The following ARHGEF38 variants were observed in gnomAD, a reference collection of about 807,000 sequenced individuals.
ARHGEF38 encodes Rho guanine nucleotide exchange factor 38, also known as Rho guanine nucleotide exchange factor (GEF) 38.
In ARHGEF38, 79 loss-of-function variants were observed where a neutral mutation model predicts 79.9. That is an observed-to-expected ratio of 0.99 (90% CI 0.82 to 1.19). The LOEUF is 1.19. ARHGEF38 is among the 50% of genes most tolerant of loss of function. The pLI is 0.00. For missense variants in ARHGEF38, 962 were observed against 907.2 expected (o/e 1.06, Z -0.78); for synonymous variants, 366 against 328.3 (o/e 1.11, Z -1.24).
At position 105,680,168 on chromosome 4, in the gene ARHGEF38, C is replaced by A. The variant is rs1189766166; in HGVS notation, c.*2231C>A. On this transcript the variant is annotated 3_prime_UTR_variant, in exon 14 of 14. Transcript: ENST00000420470. The stretch of plus-strand genomic sequence containing the variant: ...GAGGGACTGGAATTTAAAACCAGGT[C>A]TTCTGACTTTAAGGCCTTTCTTTTA... The A allele has an allele frequency of 6.7e-6, 4 of 592,858 alleles. No homozygotes were observed. The highest frequency in any genetic ancestry group is 1.7e-5 in the South Asian group (1 of 58,488). 36.7% of individuals were successfully genotyped at this position (592,858 alleles called of 1,614,324 possible).
intron 1 of ARHGEF38, among the ~76,000 whole-genome samples, chr4:105,574,810 G>T (rs185284223): frequency 2.3e-4 from 35 of 150,702 alleles, no homozygotes; most frequent in Admixed American, 1.8e-3. Context: ...TGACATTTTA[G>T]TGCACCTATC....
chr4:105,603,049 A>G (rs1371764265), intron 2 of ARHGEF38, among the ~76,000 whole-genome samples: 1 of 152,126 alleles, frequency 6.6e-6, no homozygotes, highest in Non-Finnish European at 1.5e-5. Flanking sequence ...ATCATTTTAC[A>G]GATCAATGAA....
intron 2 of ARHGEF38, among the ~76,000 whole-genome samples, chr4:105,606,064 T>C (rs560507861): frequency 6.6e-6 from 1 of 152,250 alleles, no homozygotes; most frequent in Admixed American, 6.5e-5. Flanking sequence ...CAAAATGTTG[T>C]GTGTGGAACT....
At chr4:105,637,934 G>T (rs1180591391) in intron 5 of ARHGEF38, among the ~76,000 whole-genome samples, 1 of 152,022 alleles carries the variant, frequency 6.6e-6, no homozygotes, top group Non-Finnish European at 1.5e-5. Flanking sequence ...TATACATCAA[G>T]AACTAAAAAA....
intron 1 of ARHGEF38, chr4:105,561,459 A>AGAATAGAATAGAATG (rs1725575512): frequency 7.9e-5 from 3 of 38,070 alleles, no homozygotes; most frequent in Non-Finnish European, 1.6e-4. Context: ...GGAATAGAAT[A>AGAATAGAATAGAATG]GAATAGAATA....
intron 1 of ARHGEF38, among the ~76,000 whole-genome samples, chr4:105,554,584 G>A (rs1005598775): frequency 1.3e-5 from 2 of 152,088 alleles, no homozygotes; most frequent in African/African-American, 4.8e-5. Flanking sequence ...TATGTACCAT[G>A]AGAATTTAAA....
In ARHGEF38 at chr4:105,677,754, T is replaced by G. The variant is rs1464369237; in HGVS notation, c.2151T>G (p.Ile717Met). Residue 717 changes from isoleucine (I) to methionine (M), a missense_variant and splice_region_variant, in exon 14 of 14, where the codon ATT becomes ATG. Coordinates refer to ENST00000420470, the MANE Select transcript of ARHGEF38 (RefSeq NM_001242729.2). ...ATGTCTTTTGTTTCTTTGTCTAGAT[T>G]TTCTATGCAGTTCATGCTTTTCAAG... ...VDSFQEVDEQ[I>M]FYAVHAFQAR... 1 of 1,446,472 alleles carries G rather than the reference T, an allele frequency of 6.9e-7. No homozygotes were observed. The highest frequency in any genetic ancestry group is 1.4e-5 in the South Asian group (1 of 69,504). The allele number at this position is 1,446,472 out of a possible 1,614,324, so 89.6% of individuals were successfully genotyped here. A position where few individuals can be genotyped will look rare whatever the true frequency, so the allele number is the denominator to read the frequency against.
At chr4:105,656,621 T>C (rs1350851625) in intron 9 of ARHGEF38, among the ~76,000 whole-genome samples, 1 of 152,202 alleles carries the variant, frequency 6.6e-6, no homozygotes, top group Non-Finnish European at 1.5e-5. Flanking sequence ...TATTTCATAG[T>C]AGTATTTCAA....
chr4:105,592,602 C>T (rs752297555), intron 2 of ARHGEF38, among the ~76,000 whole-genome samples: 12 of 152,080 alleles, frequency 7.9e-5, no homozygotes, highest in Non-Finnish European at 1.2e-4. Context: ...TTCAATTTTT[C>T]GTCTACTTCA....
At chr4:105,578,436 C>T (rs187003496) in intron 1 of ARHGEF38, among the ~76,000 whole-genome samples, 6 of 152,150 alleles carry the variant, frequency 3.9e-5, no homozygotes, top group Admixed American at 2.0e-4. Flanking sequence ...TCTGTTAGGT[C>T]CATTTGTTAT....
intron 4 of ARHGEF38, among the ~76,000 whole-genome samples, chr4:105,635,946 C>T (rs1729379379): frequency 6.6e-6 from 1 of 152,032 alleles, no homozygotes; most frequent in South Asian, 2.1e-4. Context: ...TGTCCCCCAC[C>T]ATTTTCCACA....
chr4:105,659,024 C>A, intron 9 of ARHGEF38, 30 bp from the exon 10 acceptor site: 1 of 1,508,552 alleles, frequency 6.6e-7, no homozygotes, highest in South Asian at 1.3e-5. Flanking sequence ...GATCCTCTCT[C>A]TGAAATGGGC....
At chr4:105,556,662 A>G (rs1282415256) in intron 1 of ARHGEF38, among the ~76,000 whole-genome samples, 1 of 152,140 alleles carries the variant, frequency 6.6e-6, no homozygotes, top group African/African-American at 2.4e-5. Flanking sequence ...ACCATGAAAG[A>G]AACCCTATCT....
chr4:105,645,175 A>G lies in ARHGEF38; in HGVS notation c.675-13A>G. ...TATGTTTGTGAAACTGATATTATTT[A>G]TCTGTATTGTAGAGGCAAACCAAAC... On this transcript the variant is annotated splice_polypyrimidine_tract_variant and intron_variant, in intron 5 of 13. Transcript: ENST00000420470. 7 of 1,412,816 alleles carry G rather than the reference A, an allele frequency of 5.0e-6. No homozygotes were observed. Among genetic ancestry groups the G allele is most frequent in the Non-Finnish European group, 6.5e-6 (7 of 1,082,388 alleles). 87.5% of individuals were successfully genotyped at this position (1,412,816 alleles called of 1,614,324 possible).
At chr4:105,625,020 C>A (rs1560729440) in intron 3 of ARHGEF38, among the ~76,000 whole-genome samples, 1 of 152,186 alleles carries the variant, frequency 6.6e-6, no homozygotes, top group Non-Finnish European at 1.5e-5. Flanking sequence ...CTGCCTTGAC[C>A]ACAAGTTTTA....
At chr4:105,682,487 T>C (rs979244688), downstream of ARHGEF38, 8 of 388,640 alleles carry the variant, frequency 2.1e-5, no homozygotes, top group Non-Finnish European at 2.8e-5. Flanking sequence ...GAAGATCTCA[T>C]TGAGAACCAG....
intron 1 of ARHGEF38, among the ~76,000 whole-genome samples, chr4:105,579,800 G>C (rs1022691279): frequency 2.0e-5 from 3 of 152,114 alleles, no homozygotes; most frequent in African/African-American, 7.2e-5. Flanking sequence ...AGCTTCGGTA[G>C]GAATAATATC....
rs1476010793 is a variant in ARHGEF38 at position 105,645,080 on chromosome 4, TG to T, written c.675-107del. On this transcript the variant is annotated intron_variant, in intron 5 of 13. Transcript: ENST00000420470. ...TATTTAGAAATTTTAGATATACAAATGAAAAAAAGAGAAAATGTTTTAGAAG... is the reference window on the plus strand; with the variant it reads ...TATTTAGAAATTTTAGATATACAAATAAAAAAAGAGAAAATGTTTTAGAAG... The T allele has an allele frequency of 2.7e-4, 241 of 906,542 alleles. 1 individual carries two copies. The highest frequency in any genetic ancestry group is 3.4e-4 in the Non-Finnish European group (232 of 676,980). The allele number at this position is 906,542 out of a possible 1,614,324, so 56.2% of individuals were successfully genotyped here. A position where few individuals can be genotyped will look rare whatever the true frequency, so the allele number is the denominator to read the frequency against.
intron 1 of ARHGEF38, among the ~76,000 whole-genome samples, chr4:105,562,362 A>C (rs562582976): frequency 6.6e-6 from 1 of 152,198 alleles, no homozygotes; most frequent in Non-Finnish European, 1.5e-5. Context: ...CTGCTCAATG[A>C]CTATTTATTG....
Sources: allele counts gnomAD v4.1 joint callset (sites outside exome capture counted in the v4.1 genomes callset), GRCh38; gene constraint gnomAD v4.1.1; transcripts MANE v1.5; gene names NCBI Gene and HGNC (gene_info 2026-07-23, HGNC 2026-07-21).